Variants in SETD2 observed in about 807,000 individuals in gnomAD.
SETD2 encodes the protein SET domain containing 2, histone lysine methyltransferase, also known as histone-lysine N-methyltransferase SETD2.
Under a neutral mutation model 242.1 loss-of-function variants are expected in SETD2, and 31 were observed. That is an observed-to-expected ratio of 0.13 (90% CI 0.10 to 0.17). SETD2 has a LOEUF of 0.17. Among genes scored for constraint, SETD2 ranks in the 10% least tolerant of loss-of-function variants. The pLI, the probability that SETD2 is intolerant of heterozygous loss-of-function variation, is 1.00. For synonymous variants in SETD2, 1,006 were observed against 1,066.5 expected (o/e 0.94, Z 1.11); for missense variants, 2,481 against 3,046.3 (o/e 0.81, Z 4.37).
chr3:47,141,530 G>C (rs2043727644), intron 1 of SETD2, among the ~76,000 whole-genome samples: 1 of 151,974 alleles, frequency 6.6e-6, no homozygotes, highest in Admixed American at 6.6e-5. Flanking sequence ...AGAAAGACAA[G>C]GTCTCTCTTT....
intron 5 of SETD2, among the ~76,000 whole-genome samples, chr3:47,112,810 G>A (rs538869704): frequency 3.3e-5 from 5 of 152,172 alleles, no homozygotes; most frequent in East Asian, 1.9e-4. Flanking sequence ...GGCTGGTCTC[G>A]AACTCCCGAC....
Position 47,081,332 on chromosome 3 carries a change from G to A in SETD2, c.6060+2388C>T, listed in dbSNP as rs1009849148. Among the ~76,000 whole-genome samples, 4 of 152,302 alleles carry A rather than the reference G, an allele frequency of 2.6e-5. No individual in the cohort carries two copies. In the East Asian group the frequency reaches 7.7e-4, roughly 29 times the overall value. On this transcript the variant is annotated intron_variant, in intron 12 of 20. Transcript: ENST00000409792. ...CCAATGTTATGGTGGCCCCCGGTTG[G>A]CTGGGGAGACTTGAAATGGCCATAA...
rs1475982196 is a variant in SETD2, at chr3:47,123,449, G to A, written c.1187C>T (p.Ser396Leu). 1.3e-6 allele frequency: 2 copies of A among 1,551,392 alleles called. No individual in the cohort carries two copies. The highest frequency in any genetic ancestry group is 8.7e-7 in the Non-Finnish European group (1 of 1,146,976). The change falls in exon 3 of 21, where the codon TCA becomes TTA. Residue 396 changes from serine to leucine, a missense_variant. Physicochemically the swap from Ser to Leu is moderately radical, Grantham distance 145. Around this residue, in one of 17 missense-constraint regions of SETD2, gnomAD observed 1,300 missense variants for 1,259.2 expected, o/e 1.03. Transcript: ENST00000409792. Reference sequence around the variant, plus strand: ...TCTGCTCCGCCGTCGCTCTCTTTCTGATCTACATCGGGAAGATACATACCG... The same window carrying A: ...TCTGCTCCGCCGTCGCTCTCTTTCTAATCTACATCGGGAAGATACATACCG... ...DTRYVSSRCR[S>L]ERERRRSRSH... is the part of the protein sequence containing the mutation.
rs1169041202 is a variant in SETD2 at position 47,019,833 on chromosome 3, T to C, written c.7358A>G (p.Lys2453Arg). The C allele has an allele frequency of 1.2e-6, 2 of 1,613,796 alleles. No individual in the cohort carries two copies. The highest frequency in any genetic ancestry group is 2.2e-5 in the East Asian group (1 of 44,882). The change falls in exon 19 of 21, where the codon AAA becomes AGA. Residue 2453 changes from lysine to arginine, a missense_variant. Physicochemically the swap from Lys to Arg is conservative, Grantham distance 26. Around this residue, in one of 17 missense-constraint regions of SETD2, gnomAD observed 40 missense variants for 89.5 expected, o/e 0.45. Coordinates refer to ENST00000409792, the MANE Select transcript of SETD2 (RefSeq NM_014159.7). The stretch of plus-strand genomic sequence containing the variant: ...GTCTGCTTCTGCTGTCTTGGGCTTT[T>C]TCGAGGCCTAAAAATGGAGGAGAAA... ...TYDENPMKAS[K>R]KPKTAEADTS...
At position 47,027,200 on chromosome 3, in the gene SETD2, T is replaced by C. The variant is rs147563775; in HGVS notation, c.7351-7360A>G. ...AAATATTTAAAAAATTAGCCATGCG[T>C]GGTGGCGGGCGCCTGTAGTCCCAGC... On this transcript the variant is annotated intron_variant, in intron 18 of 20. Transcript: ENST00000409792. Among the ~76,000 whole-genome samples, 1,496 of 151,248 alleles carry C rather than the reference T, an allele frequency of 9.9e-3. 29 individuals are homozygous for C. The highest frequency in any genetic ancestry group is 0.035 in the African/African-American group (1,442 of 41,244).
chr3:47,075,077 T>C (rs1261688849), intron 12 of SETD2, among the ~76,000 whole-genome samples: 1 of 147,312 alleles, frequency 6.8e-6, no homozygotes, highest in Non-Finnish European at 1.5e-5. Context: ...GAGCTTGCAG[T>C]GAGCCGAGAT....
intron 6 of SETD2, 75 bp downstream of exon 6, chr3:47,105,922 A>AT: frequency 6.8e-7 from 1 of 1,470,430 alleles, no homozygotes; most frequent in South Asian, 1.3e-5. Context: ...AAAAAAAAAA[A>AT]AAATCAAATC....
chr3:47,137,481 G>A (rs141870404), intron 1 of SETD2, among the ~76,000 whole-genome samples: 30 of 152,098 alleles, frequency 2.0e-4, no homozygotes, highest in African/African-American at 7.2e-4. Context: ...GTGAGCCACC[G>A]CGCCCAGCCT....
intron 15 of SETD2, among the ~76,000 whole-genome samples, chr3:47,056,062 T>TA (rs1188750643): frequency 0.019 from 1,951 of 101,072 alleles, 69 homozygotes; most frequent in African/African-American, 0.052. Context: ...TTGTATAATC[T>TA]AAAAAAAAAA....
At chr3:47,034,169 T>C (rs983986780) in intron 18 of SETD2, among the ~76,000 whole-genome samples, 3 of 152,210 alleles carry the variant, frequency 2.0e-5, no homozygotes, top group Non-Finnish European at 2.9e-5. Context: ...TTTATTTATG[T>C]ATACATACAA....
At chr3:47,070,685 G>A (rs1297599551) in intron 12 of SETD2, among the ~76,000 whole-genome samples, 2 of 152,194 alleles carry the variant, frequency 1.3e-5, no homozygotes, top group African/African-American at 4.8e-5. Flanking sequence ...CTTCATTCAT[G>A]TTAACCCTTA....
chr3:47,055,043 T>TA (rs1292523224), intron 15 of SETD2, among the ~76,000 whole-genome samples: 6 of 151,412 alleles, frequency 4.0e-5, no homozygotes, highest in Non-Finnish European at 5.9e-5. Flanking sequence ...CTTACTATCT[T>TA]AAAAAAAAAT....
At chr3:47,150,160 G>C (rs2043952500) in intron 1 of SETD2, among the ~76,000 whole-genome samples, 1 of 149,350 alleles carries the variant, frequency 6.7e-6, no homozygotes, top group African/African-American at 2.5e-5. Context: ...CTCCTGAGTA[G>C]CTGGGACTCC....
chr3:47,121,846 T>C lies in SETD2; in HGVS notation c.2790A>G (p.Val930=). 6.2e-7 allele frequency: 1 copy of C among 1,614,076 alleles called. No homozygotes were observed. The highest frequency in any genetic ancestry group is 8.5e-7 in the Non-Finnish European group (1 of 1,179,994). Residue 930 remains valine, a synonymous_variant, in exon 3 of 21, where the codon GTA becomes GTG. Coordinates refer to ENST00000409792, the MANE Select transcript of SETD2 (RefSeq NM_014159.7). Reference sequence around the variant, plus strand: ...AATCAGGAAGGTCACTACCTACTTCTACTATTGTTTCTTTCCCTGCATGCT... The same window carrying C: ...AATCAGGAAGGTCACTACCTACTTCCACTATTGTTTCTTTCCCTGCATGCT... ...FLKHAGKETI[V]EVGSDLPDSG...
chr3:47,154,620 G>C (rs368633265), intron 1 of SETD2, among the ~76,000 whole-genome samples: 149 of 152,196 alleles, frequency 9.8e-4, no homozygotes, highest in African/African-American at 3.4e-3. Context: ...TACTCAGGGA[G>C]GATTTTTACT....
intron 1 of SETD2, among the ~76,000 whole-genome samples, chr3:47,128,126 T>G (rs2043389421): frequency 6.6e-6 from 1 of 152,168 alleles, no homozygotes; most frequent in South Asian, 2.1e-4. Flanking sequence ...GAGGCAGTGG[T>G]CAGGTTTCTC....
At chr3:47,106,493 TAAAAAAAAAAAAAAA>T (rs766455577) in intron 5 of SETD2, among the ~76,000 whole-genome samples, 56 of 57,264 alleles carry the variant, frequency 9.8e-4, no homozygotes, top group African/African-American at 3.1e-3. Flanking sequence ...ATTTTTGCTC[TAAAAAAAAAAAAAAA>T]AAAAAAAAAA....
At chr3:47,073,192 A>T (rs1232856068) in intron 12 of SETD2, among the ~76,000 whole-genome samples, 1 of 151,906 alleles carries the variant, frequency 6.6e-6, no homozygotes, top group Admixed American at 6.6e-5. Context: ...TCACTTTCAT[A>T]GCTAAAAGAA....
rs1434282608 is a variant in SETD2 at position 47,017,277 on chromosome 3, G to A, written c.7534-23C>T. The A allele has an allele frequency of 1.9e-6, 3 of 1,613,030 alleles. No individual in the cohort carries two copies. The highest frequency in any genetic ancestry group is 2.5e-6 in the Non-Finnish European group (3 of 1,179,372). ...CAGCTGTCCAGGGCACAGGAAGAGA[G>A]ACCACAGCCACCAATCAGAGCAGAA... On this transcript the variant is annotated intron_variant, in intron 20 of 20. Transcript: ENST00000409792. The surrounding 1 kb of genome is among the most constrained non-coding windows in gnomAD (Gnocchi z 4.8).
Sources: gnomAD v4.1 joint callset for allele counts (sites outside exome capture counted in the v4.1 genomes callset) on GRCh38, gnomAD v4.1.1 for gene constraint, gnomAD v4.1.1 regional missense constraint, Gnocchi (gnomAD v3.1) non-coding constraint, MANE v1.5 for transcripts, NCBI Gene and HGNC (gene_info 2026-07-23, HGNC 2026-07-21) for gene names.